Variants in RTN1 observed in about 807,000 individuals in gnomAD.
RTN1 encodes reticulon-1.
A neutral mutation model predicts 65.5 loss-of-function variants in RTN1; 25 were observed. That is an observed-to-expected ratio of 0.38 (90% CI 0.28 to 0.53). The LOEUF (loss-of-function observed/expected upper bound fraction) is 0.53. RTN1 is among the 20% of genes least tolerant of loss of function. RTN1 has a pLI of 0.79. For missense variants in RTN1, 983 were observed against 1,025.4 expected, an observed-to-expected ratio of 0.96 and a Z score of 0.57; for synonymous variants, 471 against 447.6, an observed-to-expected ratio of 1.05 and a Z score of -0.66.
In RTN1 at chr14:59,870,423, G is replaced by A; in HGVS notation, c.208C>T (p.Gln70Ter). The part of the protein sequence containing the change: ...SREAGSGPAR[Q>*]SPVAMETAST... ...GCAGTTTCCATGGCAACGGGCGACTGCCGGGCGGGGCCCGAGCCGGCTTCC... is the reference window on the plus strand; with the variant it reads ...GCAGTTTCCATGGCAACGGGCGACTACCGGGCGGGGCCCGAGCCGGCTTCC... Residue 70 changes from glutamine (Q) to a stop codon, truncating the protein, a stop_gained, in exon 1 of 9, where the codon CAG becomes TAG. Transcript: ENST00000267484. LOFTEE classifies it high-confidence loss of function. This position sits in a 1 kb window ranked among gnomAD's most constrained non-coding sequence, Gnocchi z 5.1. The A allele has an allele frequency of 6.6e-7, 1 of 1,519,764 alleles. No homozygotes were observed. The highest frequency in any genetic ancestry group is 8.7e-7 in the Non-Finnish European group (1 of 1,145,804). 94.1% of individuals were successfully genotyped at this position (1,519,764 alleles called of 1,614,324 possible). A position where few individuals can be genotyped will look rare whatever the true frequency, so the allele number is the denominator to read the frequency against.
At chr14:59,804,607 A>AGATT (rs1301532378) in intron 1 of RTN1, among the ~76,000 whole-genome samples, 19 of 152,222 alleles carry the variant, frequency 1.2e-4, no homozygotes, top group African/African-American at 4.6e-4. Context: ...AGGGCATGAA[A>AGATT]GATTGTTCAC....
intron 3 of RTN1, among the ~76,000 whole-genome samples, chr14:59,721,376 G>A (rs1018237352): frequency 6.6e-6 from 1 of 152,222 alleles, no homozygotes; most frequent in Non-Finnish European, 1.5e-5. Flanking sequence ...GTCCCCCTCA[G>A]CATCTTTAAT....
intron 1 of RTN1, among the ~76,000 whole-genome samples, chr14:59,785,309 C>T (rs143509003): frequency 6.6e-6 from 1 of 152,266 alleles, no homozygotes; most frequent in African/African-American, 2.4e-5. Flanking sequence ...ATTCTTCCTG[C>T]GTCATTGATT....
Position 59,793,636 on chromosome 14 carries a change from C to CCACACACACA in RTN1, c.242-47165_242-47156dup, listed in dbSNP as rs766243780. On this transcript the variant is annotated intron_variant, in intron 1 of 8. Coordinates refer to ENST00000267484, the MANE Select transcript of RTN1 (RefSeq NM_021136.3). ...TTACCTTGTCAATTACAGGCACACA[C>CCACACACACA]CACACACACACACACACACACACAC... Among the ~76,000 whole-genome samples, 17 of 144,310 alleles carry CCACACACACA rather than the reference C, an allele frequency of 1.2e-4. No homozygotes were observed. In the East Asian group the frequency reaches 1.6e-3, roughly 14 times the overall value. The allele number at this position is 144,310 out of a possible 152,430, so 94.7% of individuals were successfully genotyped here. A position where few individuals can be genotyped will look rare whatever the true frequency, so the allele number is the denominator to read the frequency against.
At chr14:59,638,957 A>G (rs753595718) in intron 3 of RTN1, among the ~76,000 whole-genome samples, 1 of 152,228 alleles carries the variant, frequency 6.6e-6, no homozygotes, top group South Asian at 2.1e-4. Context: ...AGCTTTCAAC[A>G]TGCTTTGTTT....
intron 3 of RTN1, among the ~76,000 whole-genome samples, chr14:59,726,366 CT>C (rs1291513550): frequency 2.6e-5 from 4 of 152,316 alleles, no homozygotes; most frequent in African/African-American, 9.6e-5. Context: ...CAACTGTGGT[CT>C]CTGTCTTGCC....
At chr14:59,719,784 G>T (rs1884610149) in intron 3 of RTN1, among the ~76,000 whole-genome samples, 1 of 152,178 alleles carries the variant, frequency 6.6e-6, no homozygotes, top group Non-Finnish European at 1.5e-5. Flanking sequence ...ACCTCATGTT[G>T]CCTCTGAGAA....
At chr14:59,832,916 T>C (rs1887150731) in intron 1 of RTN1, among the ~76,000 whole-genome samples, 1 of 152,182 alleles carries the variant, frequency 6.6e-6, no homozygotes, top group East Asian at 1.9e-4. Flanking sequence ...ACCCCTATCA[T>C]CCCTCAGTGC....
intron 1 of RTN1, among the ~76,000 whole-genome samples, chr14:59,793,227 T>A (rs954108373): frequency 6.6e-6 from 1 of 152,202 alleles, no homozygotes; most frequent in African/African-American, 2.4e-5. Flanking sequence ...ATATGTAGAA[T>A]TTTACTTTGT....
At chr14:59,797,691 T>G (rs1379848400) in intron 1 of RTN1, among the ~76,000 whole-genome samples, 2 of 152,192 alleles carry the variant, frequency 1.3e-5, no homozygotes, top group Non-Finnish European at 2.9e-5. Context: ...ATTATTTCTT[T>G]GGTTTAAAGC....
chr14:59,758,771 A>T (rs951314870), intron 1 of RTN1, among the ~76,000 whole-genome samples: 1 of 152,200 alleles, frequency 6.6e-6, no homozygotes, highest in African/African-American at 2.4e-5. Context: ...GCAATTACTG[A>T]TTGGATTATT....
intron 2 of RTN1, among the ~76,000 whole-genome samples, chr14:59,729,073 A>G (rs1451631199): frequency 6.6e-6 from 1 of 152,196 alleles, no homozygotes; most frequent in Non-Finnish European, 1.5e-5. Context: ...TGTAGGCCTC[A>G]TTGAGAAAGT....
At chr14:59,614,032 AGAAGCATGCTCTT>A (rs1011910969) in intron 3 of RTN1, among the ~76,000 whole-genome samples, 8 of 152,124 alleles carry the variant, frequency 5.3e-5, no homozygotes, top group African/African-American at 1.9e-4. Flanking sequence ...CTTGGATAGG[AGAAGCATGCTCTT>A]GGCTACTTGG....
At chr14:59,861,971 CT>C in intron 1 of RTN1, among the ~76,000 whole-genome samples, 1 of 152,138 alleles carries the variant, frequency 6.6e-6, no homozygotes, top group African/African-American at 2.4e-5. Context: ...AGAACAGAAT[CT>C]AGGGGAGCTA....
At position 59,666,557 on chromosome 14, in the gene RTN1, A is replaced by G. The variant is rs529720718; in HGVS notation, c.1766-59065T>C. Among the ~76,000 whole-genome samples the G allele has an allele frequency of 6.6e-5, 10 of 152,272 alleles. 1 individual carries two copies. The East Asian group carries it at 1.9e-3, about 29-fold the overall frequency. On this transcript the variant is annotated intron_variant, in intron 3 of 8. Coordinates refer to ENST00000267484, the MANE Select transcript of RTN1 (RefSeq NM_021136.3). ...TAGAGAAGCAAGAGCAAACAAATTC[A>G]AAAGCTAGCAGAAGACAAAAAATAA...
At chr14:59,802,411 TG>T in intron 1 of RTN1, among the ~76,000 whole-genome samples, 1 of 152,142 alleles carries the variant, frequency 6.6e-6, no homozygotes, top group Non-Finnish European at 1.5e-5. Context: ...TGACTTTCTT[TG>T]TATCATTAAA....
At chr14:59,785,568 G>A (rs1886236150) in intron 1 of RTN1, among the ~76,000 whole-genome samples, 1 of 152,162 alleles carries the variant, frequency 6.6e-6, no homozygotes, top group Admixed American at 6.5e-5. Context: ...AATCTGGCTT[G>A]CATATCAAAT....
At chr14:59,793,398 A>T (rs916906692) in intron 1 of RTN1, among the ~76,000 whole-genome samples, 5 of 152,162 alleles carry the variant, frequency 3.3e-5, no homozygotes, top group African/African-American at 1.2e-4. Flanking sequence ...AAAGGTGGGG[A>T]TGAATTCTAA....
intron 1 of RTN1, among the ~76,000 whole-genome samples, chr14:59,864,918 G>A (rs577058035): frequency 2.9e-4 from 44 of 151,724 alleles, no homozygotes; most frequent in African/African-American, 9.7e-4. Flanking sequence ...TTTTTTCATC[G>A]CAATGCTACC....
Sources: allele counts gnomAD v4.1 joint callset (sites outside exome capture counted in the v4.1 genomes callset), GRCh38; gene constraint gnomAD v4.1.1; non-coding constraint Gnocchi (gnomAD v3.1); transcripts MANE v1.5; gene names NCBI Gene and HGNC (gene_info 2026-07-23, HGNC 2026-07-21).